Variants in SEMA5A observed in about 807,000 individuals in gnomAD.
The protein encoded by SEMA5A is semaphorin-5A.
Under a neutral mutation model 135.5 loss-of-function variants are expected in SEMA5A, and 55 were observed. The ratio of observed to expected loss-of-function variants is 0.41; its 90% CI spans 0.33 to 0.51. The LOEUF (loss-of-function observed/expected upper bound fraction) is 0.51. Among genes scored for constraint, SEMA5A ranks in the 20% least tolerant of loss-of-function variants. The probability of loss-of-function intolerance (pLI) is 0.37; values close to 1 mark genes in which losing one functional copy is unlikely to be tolerated. For synonymous variants in SEMA5A, 580 were observed against 546.5 expected (o/e 1.06, Z -0.85); for missense variants, 1,290 against 1,419.9 (o/e 0.91, Z 1.47).
chr5:9,437,325 C>A (rs1396855337), intron 2 of SEMA5A, among the ~76,000 whole-genome samples: 14 of 152,002 alleles, frequency 9.2e-5, no homozygotes, highest in African/African-American at 3.1e-4. Context: ...TGCTCATTAA[C>A]TCTCATTTTT....
At chr5:9,426,908 T>C (rs1757681556) in intron 2 of SEMA5A, among the ~76,000 whole-genome samples, 1 of 152,250 alleles carries the variant, frequency 6.6e-6, no homozygotes, top group Admixed American at 6.5e-5. Flanking sequence ...GTTGCTAATA[T>C]TATGATGTCC....
chr5:9,270,602 G>A (rs576395884), intron 5 of SEMA5A, among the ~76,000 whole-genome samples: 2 of 152,050 alleles, frequency 1.3e-5, no homozygotes, highest in South Asian at 4.2e-4. Flanking sequence ...ATTCACTTTG[G>A]GAGCACATTC....
intron 3 of SEMA5A, among the ~76,000 whole-genome samples, chr5:9,353,101 GGAAA>G (rs1393059688): frequency 0.03 from 313 of 10,538 alleles, 29 homozygotes; most frequent in Non-Finnish European, 0.039. Context: ...AAGGAAGGAA[GGAAA>G]GGAAAGGAAA....
chr5:9,274,522 A>G (rs1750154565), intron 5 of SEMA5A, among the ~76,000 whole-genome samples: 1 of 152,052 alleles, frequency 6.6e-6, no homozygotes, highest in Non-Finnish European at 1.5e-5. Context: ...AATCAACAGA[A>G]TATACATTAT....
chr5:9,326,506 G>A (rs991148226), intron 4 of SEMA5A, among the ~76,000 whole-genome samples: 1 of 152,010 alleles, frequency 6.6e-6, no homozygotes, highest in African/African-American at 2.4e-5. Flanking sequence ...CCCCTGCCTG[G>A]GCCTCCCAAA....
chr5:9,256,859 T>G (rs1749098219), intron 5 of SEMA5A, among the ~76,000 whole-genome samples: 1 of 152,214 alleles, frequency 6.6e-6, no homozygotes, highest in Non-Finnish European at 1.5e-5. Context: ...GTGAACCTGG[T>G]TTTAAGAGTA....
chr5:9,334,813 G>C (rs907055852), intron 4 of SEMA5A, among the ~76,000 whole-genome samples: 1 of 152,110 alleles, frequency 6.6e-6, no homozygotes, highest in Non-Finnish European at 1.5e-5. Context: ...ACATATAAAA[G>C]GTTGTTATTT....
intron 1 of SEMA5A, among the ~76,000 whole-genome samples, chr5:9,500,291 A>G (rs928536950): frequency 6.6e-6 from 1 of 152,192 alleles, no homozygotes; most frequent in Admixed American, 6.5e-5. Flanking sequence ...TTCACTACAT[A>G]TTGATCCTGA....
intron 1 of SEMA5A, among the ~76,000 whole-genome samples, chr5:9,482,008 G>T (rs1759896287): frequency 6.6e-6 from 1 of 152,146 alleles, no homozygotes; most frequent in South Asian, 2.1e-4. Flanking sequence ...TGATGTTTCA[G>T]TCAACAAAAC....
At chr5:9,299,169 G>C (rs951148804) in intron 5 of SEMA5A, among the ~76,000 whole-genome samples, 2 of 152,182 alleles carry the variant, frequency 1.3e-5, no homozygotes, top group Non-Finnish European at 2.9e-5. Flanking sequence ...AACAGTCTTA[G>C]AGCTGAAAGG....
intron 5 of SEMA5A, among the ~76,000 whole-genome samples, chr5:9,269,220 T>G (rs1369095177): frequency 6.6e-6 from 1 of 152,096 alleles, no homozygotes; most frequent in Non-Finnish European, 1.5e-5. Flanking sequence ...CCCTGCTTAC[T>G]CCCTTCCCCA....
At chr5:9,136,395 G>A in intron 13 of SEMA5A, 109 bp downstream of exon 13, 1 of 900,850 alleles carries the variant, frequency 1.1e-6, no homozygotes, top group South Asian at 1.5e-5. Context: ...TGCAAAAATG[G>A]TTCTCATATG....
At chr5:9,300,111 C>T (rs1206852333) in intron 5 of SEMA5A, among the ~76,000 whole-genome samples, 2 of 152,148 alleles carry the variant, frequency 1.3e-5, no homozygotes, top group African/African-American at 4.8e-5. Flanking sequence ...ACTGCAGCAT[C>T]GAGCTCCCCA....
At chr5:9,219,684 C>T (rs1183571296) in intron 8 of SEMA5A, among the ~76,000 whole-genome samples, 9 of 152,172 alleles carry the variant, frequency 5.9e-5, no homozygotes, top group Non-Finnish European at 5.9e-5. Flanking sequence ...TGACAGCTTC[C>T]TTTTGGACTT....
intron 8 of SEMA5A, among the ~76,000 whole-genome samples, chr5:9,224,387 A>G (rs1279783368): frequency 8.5e-6 from 1 of 117,306 alleles, no homozygotes; most frequent in Non-Finnish European, 1.7e-5. Flanking sequence ...CAAATTTTCT[A>G]GACATTAAAC....
chr5:9,463,056 TA>T (rs1353458768), intron 1 of SEMA5A, among the ~76,000 whole-genome samples: 2 of 151,608 alleles, frequency 1.3e-5, no homozygotes, highest in African/African-American at 2.4e-5. Context: ...TGTGGATGCT[TA>T]AAAAAAGAAA....
At chr5:9,375,306 G>A (rs186825050) in intron 3 of SEMA5A, among the ~76,000 whole-genome samples, 40 of 152,198 alleles carry the variant, frequency 2.6e-4, no homozygotes, top group African/African-American at 7.7e-4. Context: ...AGATGAGGTC[G>A]TACTGGATTA....
At chr5:9,309,218 C>T (rs1341230466) in intron 5 of SEMA5A, among the ~76,000 whole-genome samples, 1 of 152,014 alleles carries the variant, frequency 6.6e-6, no homozygotes, top group East Asian at 1.9e-4. Flanking sequence ...AGTATTCCTG[C>T]TTGTTATTTA....
chr5:9,485,998 A>G (rs903317823), intron 1 of SEMA5A, among the ~76,000 whole-genome samples: 5 of 152,222 alleles, frequency 3.3e-5, no homozygotes, highest in African/African-American at 1.2e-4. Flanking sequence ...TTTCAAAAAT[A>G]TAAAACTCCT....
Sources: allele counts gnomAD v4.1 joint callset (sites outside exome capture counted in the v4.1 genomes callset), GRCh38; gene constraint gnomAD v4.1.1; transcripts MANE v1.5; gene names NCBI Gene and HGNC (gene_info 2026-07-23, HGNC 2026-07-21).